SIK2: variants seen among roughly 807,000 people sequenced by gnomAD.
The protein encoded by SIK2 is salt inducible kinase 2.
In SIK2, 29 loss-of-function variants were observed where a neutral mutation model predicts 103.2. The observed-to-expected ratio is 0.28, with a 90% CI of 0.21 to 0.38. The LOEUF is 0.38. Among genes scored for constraint, SIK2 ranks in the 10% least tolerant of loss-of-function variants. The pLI is 1.00. For missense variants in SIK2, 879 were observed against 1,171.0 expected, an observed-to-expected ratio of 0.75 and a Z score of 3.64; for synonymous variants, 412 against 446.1, an observed-to-expected ratio of 0.92 and a Z score of 0.96.
chr11:111,713,478 GATTA>G (rs370126901), intron 9 of SIK2, among the ~76,000 whole-genome samples: 17 of 152,256 alleles, frequency 1.1e-4, no homozygotes, highest in Non-Finnish European at 2.1e-4. Context: ...CTATTATGAG[GATTA>G]ATTGAGATAA....
Position 111,730,287 on chromosome 11 carries a change from GTGTC to G in SIK2, c.*6165_*6168del, listed in dbSNP as rs1661342866. The stretch of plus-strand genomic sequence containing the variant: ...ATAATGGGCTGCTGCTGGCTCTGTG[GTGTC>G]TGTCTGCAGAAGATTTGCTCAGTCA... On this transcript the variant is annotated 3_prime_UTR_variant, in exon 15 of 15. Transcript: ENST00000304987. 1 of 152,206 alleles carries G rather than the reference GTGTC, an allele frequency of 6.6e-6. No individual in the cohort carries two copies. Among genetic ancestry groups the G allele is most frequent in the Non-Finnish European group, 1.5e-5 (1 of 68,052 alleles). The allele number at this position is 152,206 out of a possible 1,614,324, so 9.4% of individuals were successfully genotyped here.
At position 111,712,234 on chromosome 11, in the gene SIK2, G is replaced by C. The variant is rs55846095; in HGVS notation, c.1125G>C (p.Val375=). 2.5e-6 allele frequency: 4 copies of C among 1,614,086 alleles called. No homozygotes were observed. Among genetic ancestry groups the C allele is most frequent in the Middle Eastern group, 1.6e-4 (1 of 6,078 alleles). ...VAKAQTVGLP[V]TMHSPNMRLL... Reference sequence around the variant, plus strand: ...AGGCACAGACTGTGGGGCTCCCAGTGACCATGCATTCACCGAACATGAGGC... The same window carrying C: ...AGGCACAGACTGTGGGGCTCCCAGTCACCATGCATTCACCGAACATGAGGC... Residue 375 remains valine (V), a synonymous_variant, in exon 9 of 15, where the codon GTG becomes GTC. Transcript: ENST00000304987.
intron 3 of SIK2, among the ~76,000 whole-genome samples, chr11:111,657,320 C>T (rs909382962): frequency 6.6e-6 from 1 of 152,212 alleles, no homozygotes; most frequent in Non-Finnish European, 1.5e-5. Context: ...GGTGATTTTG[C>T]ATATGTTTAC....
chr11:111,640,149 G>T (rs920907856), intron 3 of SIK2, among the ~76,000 whole-genome samples: 1 of 152,092 alleles, frequency 6.6e-6, no homozygotes, highest in Non-Finnish European at 1.5e-5. Flanking sequence ...GAACTCTCTT[G>T]CTGTTTTTTG....
chr11:111,687,793 G>T (rs1028533443), intron 3 of SIK2, among the ~76,000 whole-genome samples: 3 of 151,794 alleles, frequency 2.0e-5, no homozygotes, highest in African/African-American at 4.8e-5. Context: ...TTTTAGTAGA[G>T]ACGGGGTTTC....
At chr11:111,634,132 C>T (rs1942074898) in intron 3 of SIK2, among the ~76,000 whole-genome samples, 1 of 152,146 alleles carries the variant, frequency 6.6e-6, no homozygotes, top group African/African-American at 2.4e-5. Context: ...TTACAGATTT[C>T]TGCTCCTTGA....
In SIK2 at chr11:111,697,829, C is replaced by CA. The variant is rs201107801; in HGVS notation, c.479-3050dup. Among the ~76,000 whole-genome samples, 880 of 151,292 alleles carry CA rather than the reference C, an allele frequency of 5.8e-3. 12 individuals carry two copies. Among genetic ancestry groups the CA allele is most frequent in the African/African-American group, 0.02 (839 of 41,186 alleles). On this transcript the variant is annotated intron_variant, in intron 4 of 14. Transcript: ENST00000304987. ...AACATAGTGAGACCTTGTCTCTACC[C>CA]AAAAAAAGGAAAAGAAAAAAGGAAA...
At position 111,704,973 on chromosome 11, in the gene SIK2, G is replaced by T; in HGVS notation, c.949-14G>T. Reference sequence around the variant, plus strand: ...TTACAGTTCTTTGCCTTTACCACTTGTTTTTTATTTCAGTCTTTGCAGAAC... The same window carrying T: ...TTACAGTTCTTTGCCTTTACCACTTTTTTTTTATTTCAGTCTTTGCAGAAC... On this transcript the variant is annotated splice_polypyrimidine_tract_variant and intron_variant, in intron 7 of 14. Coordinates refer to ENST00000304987, the MANE Select transcript of SIK2 (RefSeq NM_015191.3). The T allele has an allele frequency of 1.9e-6, 3 of 1,591,532 alleles. No homozygotes were observed. The highest frequency in any genetic ancestry group is 2.3e-5 in the East Asian group (1 of 43,582).
chr11:111,712,232 G>C lies in SIK2; in HGVS notation c.1123G>C (p.Val375Leu), dbSNP rs768591613. Residue 375 changes from valine (V) to leucine (L), a missense_variant, in exon 9 of 15, where the codon GTG (valine) becomes CTG (leucine). Val to Leu is a conservative substitution (Grantham distance 32). Coordinates refer to ENST00000304987, the MANE Select transcript of SIK2 (RefSeq NM_015191.3). ...VAKAQTVGLP[V>L]TMHSPNMRLL... Reference sequence around the variant, plus strand: ...ACAGGCACAGACTGTGGGGCTCCCAGTGACCATGCATTCACCGAACATGAG... The same window carrying C: ...ACAGGCACAGACTGTGGGGCTCCCACTGACCATGCATTCACCGAACATGAG... 6.2e-7 allele frequency: 1 copy of C among 1,614,220 alleles called. No homozygotes were observed. The highest frequency in any genetic ancestry group is 1.1e-5 in the South Asian group (1 of 91,086).
chr11:111,630,904 A>AG (rs1942028956), intron 3 of SIK2, among the ~76,000 whole-genome samples: 1 of 152,160 alleles, frequency 6.6e-6, no homozygotes, highest in African/African-American at 2.4e-5. Flanking sequence ...GAAAGAATTG[A>AG]GGGGTAATAG....
rs750373614 is a variant in SIK2, at chr11:111,701,420, T to C, written c.604-32T>C. ...AACAAAGAGTGTTTGACGTTCTTGG[T>C]AGAAAAGTCTCTGCATTGTTTTCTT... On this transcript the variant is annotated intron_variant, in intron 5 of 14. Transcript: ENST00000304987. The surrounding 1 kb of genome is among the most constrained non-coding windows in gnomAD (Gnocchi z 4.2). 8.1e-6 allele frequency: 13 copies of C among 1,602,270 alleles called. No homozygotes were observed. The Admixed American group carries it at 2.2e-4, about 27-fold the overall frequency.
At chr11:111,665,566 G>A (rs974812224) in intron 3 of SIK2, among the ~76,000 whole-genome samples, 2 of 152,076 alleles carry the variant, frequency 1.3e-5, no homozygotes, top group South Asian at 2.1e-4. Flanking sequence ...GCTCACGCCT[G>A]TAATCCCATC....
chr11:111,675,302 A>G lies in SIK2; in HGVS notation c.317-12699A>G, dbSNP rs372809173. 1.4e-4 allele frequency among the ~76,000 whole-genome samples: 22 copies of G among 152,314 alleles called. No individual in the cohort carries two copies. In the East Asian group the frequency reaches 1.5e-3, roughly 11 times the overall value. On this transcript the variant is annotated intron_variant, in intron 3 of 14. Transcript: ENST00000304987. ...AGCAAGGCAGGGATATGCACCACCT[A>G]TTCTACTGGGAGGCATTACAAAGTC...
At chr11:111,680,459 C>A (rs1469414563) in intron 3 of SIK2, among the ~76,000 whole-genome samples, 1 of 151,992 alleles carries the variant, frequency 6.6e-6, no homozygotes, top group Non-Finnish European at 1.5e-5. Flanking sequence ...TTGGCATCAA[C>A]CTTTTTACTT....
chr11:111,659,054 A>G (rs1478694340), intron 3 of SIK2, among the ~76,000 whole-genome samples: 2 of 152,198 alleles, frequency 1.3e-5, no homozygotes, highest in Admixed American at 6.5e-5. Context: ...CATCTTTGCC[A>G]GTTACATGAT....
At chr11:111,657,128 C>A (rs1942401743) in intron 3 of SIK2, among the ~76,000 whole-genome samples, 2 of 152,050 alleles carry the variant, frequency 1.3e-5, no homozygotes, top group Admixed American at 1.3e-4. Flanking sequence ...AAGAGCAAGG[C>A]AGGATTTTTA....
chr11:111,663,818 T>C (rs909232279), intron 3 of SIK2, among the ~76,000 whole-genome samples: 5 of 152,188 alleles, frequency 3.3e-5, no homozygotes, highest in African/African-American at 9.7e-5. Context: ...TTTAAGTGTT[T>C]AAGCCTAATT....
chr11:111,654,829 G>C (rs1942370350), intron 3 of SIK2, among the ~76,000 whole-genome samples: 1 of 152,112 alleles, frequency 6.6e-6, no homozygotes, highest in Non-Finnish European at 1.5e-5. Context: ...TCACACTTTT[G>C]GAGTATTGTA....
chr11:111,723,200 C>T (rs1193145901), intron 14 of SIK2, among the ~76,000 whole-genome samples: 1 of 152,186 alleles, frequency 6.6e-6, no homozygotes. Context: ...GATTATCTCC[C>T]CTTCTAGCCT....
Sources: allele counts gnomAD v4.1 joint callset (sites outside exome capture counted in the v4.1 genomes callset), GRCh38; gene constraint gnomAD v4.1.1; non-coding constraint Gnocchi (gnomAD v3.1); transcripts MANE v1.5; gene names NCBI Gene and HGNC (gene_info 2026-07-23, HGNC 2026-07-21).